ANKMY2: variants seen among roughly 807,000 people sequenced by gnomAD.
The protein encoded by ANKMY2 is ankyrin repeat and MYND domain-containing protein 2.
In ANKMY2, 36 loss-of-function variants were observed where a neutral mutation model predicts 50.4. That is an observed-to-expected ratio of 0.71 (90% CI 0.55 to 0.94). The LOEUF is 0.94. ANKMY2 is among the 40% of genes least tolerant of loss of function. The pLI, the probability that ANKMY2 is intolerant of heterozygous loss-of-function variation, is 0.00. For missense variants in ANKMY2, 565 were observed against 524.0 expected (o/e 1.08, Z -0.76); for synonymous variants, 187 against 178.8 (o/e 1.05, Z -0.36).
intron 1 of ANKMY2, among the ~76,000 whole-genome samples, chr7:16,639,102 A>T (rs962367101): frequency 3.3e-5 from 5 of 152,218 alleles, no homozygotes. Context: ...AAAAACTGTG[A>T]TGATTTCCAA....
chr7:16,644,998 G>A (rs1179794817), intron 1 of ANKMY2, among the ~76,000 whole-genome samples: 1 of 152,160 alleles, frequency 6.6e-6, no homozygotes, highest in African/African-American at 2.4e-5. Flanking sequence ...GCAAATTACA[G>A]ACCTAGTTCT....
chr7:16,636,499 G>T, intron 1 of ANKMY2, 44 bp from the exon 2 acceptor site: 2 of 1,446,288 alleles, frequency 1.4e-6, no homozygotes, highest in Non-Finnish European at 1.9e-6. Context: ...TTCGTCACTA[G>T]AATAAGAGAA....
At chr7:16,620,327 C>T (rs1781414160) in intron 4 of ANKMY2, among the ~76,000 whole-genome samples, 1 of 152,160 alleles carries the variant, frequency 6.6e-6, no homozygotes, top group Admixed American at 6.5e-5. Context: ...ACTCTCATTA[C>T]AGCTTGTGCT....
chr7:16,621,459 T>C (rs1781433876), intron 4 of ANKMY2, among the ~76,000 whole-genome samples: 1 of 152,140 alleles, frequency 6.6e-6, no homozygotes, highest in Non-Finnish European at 1.5e-5. Context: ...TTCAATTTAG[T>C]AGGAAAATGT....
intron 1 of ANKMY2, 26 bp downstream of exon 1, chr7:16,645,467 CCAGGCTGGCCGCGG>C: frequency 1.3e-6 from 2 of 1,575,782 alleles, no homozygotes; most frequent in Non-Finnish European, 1.7e-6. Flanking sequence ...CGCCCCCCGG[CCAGGCTGGCCGCGG>C]CCGCGTCGCA....
chr7:16,624,631 C>T (rs1225725502), intron 4 of ANKMY2, among the ~76,000 whole-genome samples: 1 of 152,128 alleles, frequency 6.6e-6, no homozygotes, highest in Non-Finnish European at 1.5e-5. Context: ...AAGTACTTTG[C>T]TATCACGTGG....
rs182740580 is a variant in ANKMY2 at position 16,607,502 on chromosome 7, A to G, written c.882+2128T>C. On this transcript the variant is annotated intron_variant, in intron 7 of 9. Transcript: ENST00000306999. ...AGAATCGCTTGAACCCGGAAGACTG[A>G]GGTTGTAATGAGCTGAGATTGCGCC... 2.3e-3 allele frequency among the ~76,000 whole-genome samples: 344 copies of G among 152,166 alleles called. 1 individual carries two copies. Among genetic ancestry groups the G allele is most frequent in the Non-Finnish European group, 3.2e-3 (219 of 67,998 alleles).
chr7:16,607,465 G>C (rs957321103), intron 7 of ANKMY2, among the ~76,000 whole-genome samples: 13 of 152,064 alleles, frequency 8.5e-5, no homozygotes, highest in Admixed American at 1.3e-4. Context: ...CTACTCGGGA[G>C]GCTGAGACAT....
Position 16,640,122 on chromosome 7 carries a change from C to T in ANKMY2, c.68-3667G>A, listed in dbSNP as rs535880953. Among the ~76,000 whole-genome samples the T allele has an allele frequency of 1.2e-4, 19 of 152,084 alleles. No homozygotes were observed. In the South Asian group the frequency reaches 2.7e-3, roughly 22 times the overall value. On this transcript the variant is annotated intron_variant, in intron 1 of 9. Coordinates refer to ENST00000306999, the MANE Select transcript of ANKMY2 (RefSeq NM_020319.3). ...AGGAGGTTGCAGTGAGTCAAGATCG[C>T]GCCACTGCACTCCAGCTTGGGCGAC...
At chr7:16,605,689 T>G (rs1781147621) in intron 7 of ANKMY2, among the ~76,000 whole-genome samples, 1 of 139,414 alleles carries the variant, frequency 7.2e-6, no homozygotes, top group Non-Finnish European at 1.6e-5. Flanking sequence ...TTTTTTTTTT[T>G]TTTTTTTTTT....
At chr7:16,606,742 G>A (rs1781167279) in intron 7 of ANKMY2, among the ~76,000 whole-genome samples, 1 of 152,148 alleles carries the variant, frequency 6.6e-6, no homozygotes, top group African/African-American at 2.4e-5. Flanking sequence ...GTATACTCAA[G>A]ATAGTCAAAG....
intron 4 of ANKMY2, among the ~76,000 whole-genome samples, chr7:16,617,483 T>C (rs868857040): frequency 2.3e-4 from 35 of 152,280 alleles, no homozygotes; most frequent in African/African-American, 8.2e-4. Flanking sequence ...GCTTCTTGGG[T>C]TGAAAGTGTG....
chr7:16,628,908 TAAACA>T (rs59359472), intron 2 of ANKMY2, among the ~76,000 whole-genome samples: 30,719 of 127,720 alleles, frequency 0.24, 3,561 homozygotes, highest in African/African-American at 0.35. Flanking sequence ...GCCTCTAGTT[TAAACA>T]AAACAAAACA....
chr7:16,638,187 A>G (rs1238770562), intron 1 of ANKMY2, among the ~76,000 whole-genome samples: 3 of 152,230 alleles, frequency 2.0e-5, no homozygotes, highest in Non-Finnish European at 2.9e-5. Context: ...GGGGTATCCT[A>G]TAATTTAACT....
chr7:16,603,118 G>A (rs191017347), intron 8 of ANKMY2, among the ~76,000 whole-genome samples: 86 of 152,286 alleles, frequency 5.6e-4, no homozygotes, highest in African/African-American at 2.0e-3. Flanking sequence ...AAACAATAAT[G>A]AATATATAAC....
intron 5 of ANKMY2, among the ~76,000 whole-genome samples, chr7:16,613,240 A>G (rs1473033536): frequency 6.6e-6 from 1 of 152,198 alleles, no homozygotes; most frequent in African/African-American, 2.4e-5. Flanking sequence ...ACACAAATAC[A>G]GCTATATTAG....
chr7:16,636,287 AG>A (rs1781657879), intron 2 of ANKMY2, 103 bp downstream of exon 2: 1 of 698,268 alleles, frequency 1.4e-6, no homozygotes, highest in African/African-American at 2.1e-5. Context: ...TGGGCGAAAG[AG>A]CAACACTCCA....
chr7:16,619,140 ATTTC>A (rs896381351), intron 4 of ANKMY2, among the ~76,000 whole-genome samples: 2 of 151,346 alleles, frequency 1.3e-5, no homozygotes, highest in African/African-American at 4.9e-5. Context: ...AAGACTAAGG[ATTTC>A]TTTATTATAC....
intron 4 of ANKMY2, 131 bp from the exon 5 acceptor site, chr7:16,616,035 G>T: frequency 1.2e-6 from 1 of 830,500 alleles, no homozygotes; most frequent in Non-Finnish European, 1.8e-6. Flanking sequence ...GGAAAGGAGA[G>T]TAGAGGAGGA....
Sources: gnomAD v4.1 joint callset for allele counts (sites outside exome capture counted in the v4.1 genomes callset) on GRCh38, gnomAD v4.1.1 for gene constraint, MANE v1.5 for transcripts, NCBI Gene and HGNC (gene_info 2026-07-23, HGNC 2026-07-21) for gene names.